Variants in TRIM63 observed in about 807,000 individuals in gnomAD.
TRIM63 encodes the protein E3 ubiquitin-protein ligase TRIM63.
A neutral mutation model predicts 46.0 loss-of-function variants in TRIM63; 48 were observed. The observed-to-expected ratio is 1.04, with a 90% confidence interval of 0.83 to 1.33. The LOEUF (loss-of-function observed/expected upper bound fraction) is 1.33, where lower values mean the gene tolerates loss of function less well. Ranked by LOEUF, TRIM63 falls within the 40% of genes most tolerant of loss-of-function variation. The pLI is 0.00. For missense variants in TRIM63, 455 were observed against 441.2 expected (o/e 1.03, Z -0.28); for synonymous variants, 175 against 162.8 (o/e 1.08, Z -0.57).
intron 3 of TRIM63, 80 bp from the exon 4 acceptor site, chr1:26,060,441 G>A: frequency 9.3e-7 from 1 of 1,070,126 alleles, no homozygotes; most frequent in Non-Finnish European, 1.4e-6. Flanking sequence ...GCAGCAACAT[G>A]GCTTCCTCCC....
chr1:26,063,544 C>G (rs2124442556), intron 2 of TRIM63, among the ~76,000 whole-genome samples: 1 of 152,340 alleles, frequency 6.6e-6, no homozygotes, highest in East Asian at 1.9e-4. Flanking sequence ...AAAGGGATGG[C>G]AGGGAGTGCA....
At chr1:26,057,097 G>A (rs112728995) in intron 7 of TRIM63, 106 bp downstream of exon 7, 5 of 1,401,816 alleles carry the variant, frequency 3.6e-6, no homozygotes, top group African/African-American at 1.4e-5. Flanking sequence ...TGATATTTGG[G>A]GATCTTTATT....
chr1:26,056,757 A>T (rs890919608), intron 7 of TRIM63, among the ~76,000 whole-genome samples: 4 of 139,022 alleles, frequency 2.9e-5, no homozygotes, highest in Admixed American at 7.2e-5. Flanking sequence ...GACTATATGA[A>T]TTTTTTTTTT....
At chr1:26,059,870 C>T (rs2050606955) in intron 4 of TRIM63, among the ~76,000 whole-genome samples, 1 of 152,192 alleles carries the variant, frequency 6.6e-6, no homozygotes, top group South Asian at 2.1e-4. Context: ...GAATCAAAAC[C>T]TGAATTTCAA....
intron 7 of TRIM63, 43 bp from the exon 8 acceptor site, chr1:26,054,007 T>C (rs2050547235): frequency 2.1e-6 from 3 of 1,433,508 alleles, no homozygotes; most frequent in African/African-American, 1.4e-5. Context: ...GCCGGTTCCT[T>C]GAGGAGCTAC....
intron 7 of TRIM63, among the ~76,000 whole-genome samples, chr1:26,055,767 C>G (rs1490684884): frequency 1.3e-5 from 2 of 151,926 alleles, no homozygotes; most frequent in African/African-American, 4.8e-5. Flanking sequence ...TGCCTTGGAC[C>G]CCCAAAGTGC....
intron 7 of TRIM63, among the ~76,000 whole-genome samples, chr1:26,054,812 C>T (rs2050553742): frequency 6.6e-6 from 1 of 151,638 alleles, no homozygotes; most frequent in South Asian, 2.1e-4. Context: ...ACTAAAAATA[C>T]AAAAAATTAG....
At chr1:26,061,042 C>T (rs1431943712) in intron 3 of TRIM63, 124 bp downstream of exon 3, 1 of 1,110,866 alleles carries the variant, frequency 9.0e-7, no homozygotes, top group Non-Finnish European at 1.3e-6. Context: ...CTGGGAAGTC[C>T]CTCCAGAGAG....
rs35773319 is a variant in TRIM63 at position 26,051,632 on chromosome 1, G to C, written c.*241C>G. Reference sequence around the variant, plus strand: ...AAATATTCCATTTTGCACCAATGTAGAAAAGTGTCCTGTGTGATTGTTTCA... The same window carrying C: ...AAATATTCCATTTTGCACCAATGTACAAAAGTGTCCTGTGTGATTGTTTCA... On this transcript the variant is annotated 3_prime_UTR_variant, in exon 9 of 9. Coordinates refer to ENST00000374272, the MANE Select transcript of TRIM63 (RefSeq NM_032588.4). 7.6e-6 allele frequency: 3 copies of C among 394,578 alleles called. No homozygotes were observed. Among genetic ancestry groups the C allele is most frequent in the Non-Finnish European group, 1.4e-5 (3 of 217,122 alleles). The allele number at this position is 394,578 out of a possible 1,614,324, so 24.4% of individuals were successfully genotyped here. A position where few individuals can be genotyped will look rare whatever the true frequency, so the allele number is the denominator to read the frequency against.
chr1:26,064,772 G>T (rs1212606577), intron 2 of TRIM63, among the ~76,000 whole-genome samples: 1 of 152,178 alleles, frequency 6.6e-6, no homozygotes, highest in African/African-American at 2.4e-5. Context: ...TACCCAGCAT[G>T]GTACAGTACA....
intron 8 of TRIM63, among the ~76,000 whole-genome samples, chr1:26,052,655 C>T (rs556014710): frequency 3.3e-5 from 5 of 151,890 alleles, no homozygotes; most frequent in East Asian, 2.0e-4. Context: ...TTAGTAGAGA[C>T]GGGGTTTCAC....
At chr1:26,064,187 T>C (rs1158281631) in intron 2 of TRIM63, among the ~76,000 whole-genome samples, 1 of 152,144 alleles carries the variant, frequency 6.6e-6, no homozygotes, top group Non-Finnish European at 1.5e-5. Context: ...TCCCAGCACT[T>C]TGGGAGGCTG....
chr1:26,060,383 A>G (rs1300587440), intron 3 of TRIM63, 22 bp from the exon 4 acceptor site: 2 of 1,596,358 alleles, frequency 1.3e-6, no homozygotes, highest in Non-Finnish European at 1.7e-6. Context: ...TGTGGGGGTC[A>G]GGAGAGGAGA....
intron 2 of TRIM63, among the ~76,000 whole-genome samples, chr1:26,062,730 C>A (rs2050637483): frequency 6.6e-6 from 1 of 152,174 alleles, no homozygotes; most frequent in Non-Finnish European, 1.5e-5. Flanking sequence ...GGACATCAGT[C>A]ATTTCCTAAC....
rs2997447 is a variant in TRIM63, at chr1:26,060,932, G to A, written c.501+234C>T. 0.24 allele frequency among the ~76,000 whole-genome samples: 36,128 copies of A among 152,026 alleles called. 5,110 individuals carry two copies. Among genetic ancestry groups the A allele is most frequent in the African/African-American group, 0.38 (15,821 of 41,408 alleles). ...AGTGGCCTGGCTGGGGCGTCTGACC[G>A]CTCCCCTGTGGCCACACCCAGGTGC... On this transcript the variant is annotated intron_variant, in intron 3 of 8. Transcript: ENST00000374272.
At chr1:26,061,874 TC>T (rs1208460594) in intron 2 of TRIM63, among the ~76,000 whole-genome samples, 1 of 152,186 alleles carries the variant, frequency 6.6e-6, no homozygotes, top group East Asian at 1.9e-4. Context: ...GACTGTAACC[TC>T]CATCAAGGTA....
At chr1:26,057,939 C>G (rs1275513075) in intron 5 of TRIM63, among the ~76,000 whole-genome samples, 3 of 152,164 alleles carry the variant, frequency 2.0e-5, no homozygotes, top group Non-Finnish European at 2.9e-5. Flanking sequence ...TCCTAACCAC[C>G]TTTTCATACC....
At chr1:26,061,947 G>A (rs995394645) in intron 2 of TRIM63, among the ~76,000 whole-genome samples, 1 of 152,118 alleles carries the variant, frequency 6.6e-6, no homozygotes, top group Non-Finnish European at 1.5e-5. Flanking sequence ...GCATAGAGGA[G>A]GTGGTAATTA....
chr1:26,055,345 G>T (rs1244930181), intron 7 of TRIM63, among the ~76,000 whole-genome samples: 1 of 152,138 alleles, frequency 6.6e-6, no homozygotes, highest in Non-Finnish European at 1.5e-5. Context: ...TATGTTAAGG[G>T]CTTAGCGCCT....
Sources: allele counts gnomAD v4.1 joint callset (sites outside exome capture counted in the v4.1 genomes callset), GRCh38; gene constraint gnomAD v4.1.1; transcripts MANE v1.5; gene names NCBI Gene and HGNC (gene_info 2026-07-23, HGNC 2026-07-21).